NTM: variants seen among roughly 807,000 people sequenced by gnomAD.
NTM encodes the protein IgLON family member 2.
Under a neutral mutation model 42.1 loss-of-function variants are expected in NTM, and 13 were observed. That is an observed-to-expected ratio of 0.31 (90% CI 0.20 to 0.49). NTM has a LOEUF of 0.49. Among genes scored for constraint, NTM ranks in the 20% least tolerant of loss-of-function variants. NTM has a pLI of 0.99. For synonymous variants in NTM, 187 were observed against 179.2 expected, an observed-to-expected ratio of 1.04 and a Z score of -0.35; for missense variants, 373 against 452.8, an observed-to-expected ratio of 0.82 and a Z score of 1.60.
At chr11:131,527,032 T>C (rs1428676056) in intron 1 of NTM, among the ~76,000 whole-genome samples, 1 of 152,188 alleles carries the variant, frequency 6.6e-6, no homozygotes, top group Non-Finnish European at 1.5e-5. Context: ...TCCTATCTAG[T>C]CCGAGCAATG....
At chr11:131,763,984 T>A (rs1162646001) in intron 1 of NTM, among the ~76,000 whole-genome samples, 1 of 152,014 alleles carries the variant, frequency 6.6e-6, no homozygotes, top group Non-Finnish European at 1.5e-5. Context: ...TTCTATTTGT[T>A]TAATTACATA....
chr11:131,521,466 C>T (rs3740701), intron 1 of NTM, among the ~76,000 whole-genome samples: 22,009 of 115,672 alleles, frequency 0.19, 1,975 homozygotes, highest in Middle Eastern at 0.36. Flanking sequence ...AGTGCAGTGG[C>T]GGCGCAATCT....
In NTM at chr11:131,393,650, C is replaced by T. The variant is rs1410467535; in HGVS notation, c.82+22762C>T. ...AGAGAGGGAGGGCCTGTACTTCTTC[C>T]CAACAGCGCAAAGACCTACCTTTGG... On this transcript the variant is annotated intron_variant, in intron 1 of 8. Coordinates refer to ENST00000683400, the MANE Select transcript of NTM (RefSeq NM_001352005.2). Among the ~76,000 whole-genome samples, 10 of 152,320 alleles carry T rather than the reference C, an allele frequency of 6.6e-5. No individual in the cohort carries two copies. In the South Asian group the frequency reaches 1.9e-3, roughly 28 times the overall value.
chr11:132,117,821 T>C (rs1188794147), intron 2 of NTM, among the ~76,000 whole-genome samples: 1 of 152,208 alleles, frequency 6.6e-6, no homozygotes, highest in African/African-American at 2.4e-5. Flanking sequence ...GGGCGCTGAA[T>C]AAATGAGCAT....
chr11:132,013,913 C>G (rs2518018), intron 2 of NTM, among the ~76,000 whole-genome samples: 1 of 151,756 alleles, frequency 6.6e-6, no homozygotes, highest in Admixed American at 6.6e-5. Context: ...CTAGCCATTT[C>G]GAAATGTACA....
intron 4 of NTM, among the ~76,000 whole-genome samples, chr11:132,299,281 C>T (rs903682618): frequency 6.6e-6 from 1 of 152,022 alleles, no homozygotes; most frequent in Non-Finnish European, 1.5e-5. Flanking sequence ...GGTGACAGAG[C>T]GAGACTCTGT....
At chr11:131,834,196 C>A (rs536720280) in intron 1 of NTM, among the ~76,000 whole-genome samples, 1 of 152,130 alleles carries the variant, frequency 6.6e-6, no homozygotes, top group Non-Finnish European at 1.5e-5. Context: ...GCTCAGGGCC[C>A]ACCACACTCA....
intron 2 of NTM, among the ~76,000 whole-genome samples, chr11:131,981,817 C>G (rs1260683245): frequency 1.3e-5 from 2 of 151,938 alleles, no homozygotes; most frequent in East Asian, 1.9e-4. Context: ...TCAAGACCAG[C>G]GTGGTCAACA....
At chr11:132,182,464 A>G (rs1248548114) in intron 3 of NTM, among the ~76,000 whole-genome samples, 4 of 152,264 alleles carry the variant, frequency 2.6e-5, no homozygotes, top group African/African-American at 7.2e-5. Flanking sequence ...AAATCAGGGG[A>G]ATAATAATAA....
At chr11:132,154,051 G>T (rs544248210) in intron 3 of NTM, among the ~76,000 whole-genome samples, 2 of 152,158 alleles carry the variant, frequency 1.3e-5, no homozygotes, top group African/African-American at 4.8e-5. Context: ...AAGGCTGAAC[G>T]TGTATGTTGT....
chr11:131,721,357 C>G (rs2078306927), intron 1 of NTM, among the ~76,000 whole-genome samples: 1 of 152,106 alleles, frequency 6.6e-6, no homozygotes, highest in Non-Finnish European at 1.5e-5. Context: ...GGCTGGAAGG[C>G]CTGTGCAAGT....
chr11:131,492,910 G>C (rs11819975), intron 1 of NTM, among the ~76,000 whole-genome samples: 3,970 of 152,226 alleles, frequency 0.026, 170 homozygotes, highest in African/African-American at 0.09. Flanking sequence ...ACCTGTATGA[G>C]AGAAGCAGGA....
chr11:131,538,757 G>C (rs2052681978), intron 1 of NTM: 1 of 152,024 alleles, frequency 6.6e-6, no homozygotes, highest in African/African-American at 2.4e-5. Context: ...TTGGTCAATG[G>C]GTACAAAATT....
In NTM at chr11:131,590,210, T is replaced by G. The variant is rs774965892; in HGVS notation, c.82+219322T>G. 9.2e-5 allele frequency among the ~76,000 whole-genome samples: 14 copies of G among 152,306 alleles called. No individual in the cohort carries two copies. In the Middle Eastern group the frequency reaches 0.01, roughly 111 times the overall value. On this transcript the variant is annotated intron_variant, in intron 1 of 8. Transcript: ENST00000683400. ...AAAAGTCATCTGTGTCCTTTCTGTT[T>G]TTTAGAACCAGGACTGTCTGACAGC...
intron 1 of NTM, among the ~76,000 whole-genome samples, chr11:131,428,561 T>C (rs559054049): frequency 6.6e-6 from 1 of 152,300 alleles, no homozygotes; most frequent in South Asian, 2.1e-4. Context: ...CCACACGACA[T>C]GCTTCCCCCT....
At chr11:132,106,223 C>A (rs2062360123) in intron 2 of NTM, among the ~76,000 whole-genome samples, 1 of 152,160 alleles carries the variant, frequency 6.6e-6, no homozygotes, top group African/African-American at 2.4e-5. Context: ...CATTCATATT[C>A]CAGAAATGAA....
chr11:131,396,975 T>C (rs542679836), intron 1 of NTM, among the ~76,000 whole-genome samples: 1 of 152,298 alleles, frequency 6.6e-6, no homozygotes, highest in East Asian at 1.9e-4. Context: ...CATGATCTAG[T>C]AAATCCTGTG....
intron 1 of NTM, among the ~76,000 whole-genome samples, chr11:131,474,620 A>G (rs1001168465): frequency 6.6e-6 from 1 of 152,008 alleles, no homozygotes; most frequent in Non-Finnish European, 1.5e-5. Flanking sequence ...TAGCATCTCC[A>G]TCTGCTCAGC....
chr11:132,215,841 T>C (rs111613414), intron 4 of NTM, among the ~76,000 whole-genome samples: 10 of 152,320 alleles, frequency 6.6e-5, no homozygotes, highest in African/African-American at 2.4e-4. Context: ...CCTTGGTCTT[T>C]TCAGGAGGAA....
Sources: gnomAD v4.1 joint callset for allele counts (sites outside exome capture counted in the v4.1 genomes callset) on GRCh38, gnomAD v4.1.1 for gene constraint, MANE v1.5 for transcripts, NCBI Gene and HGNC (gene_info 2026-07-23, HGNC 2026-07-21) for gene names.